Variants in FRS2 observed in about 807,000 individuals in gnomAD.
FRS2 encodes the protein fibroblast growth factor receptor substrate 2, also known as FGFR signalling adaptor.
FRS2 carries 8 observed loss-of-function variants against 43.9 expected under a neutral mutation model. That is an observed-to-expected ratio of 0.18 (90% CI 0.11 to 0.33). The LOEUF (loss-of-function observed/expected upper bound fraction) is 0.33. Among genes scored for constraint, FRS2 ranks in the 10% least tolerant of loss-of-function variants. FRS2 has a pLI of 1.00. For synonymous variants in FRS2, 219 were observed against 220.3 expected, an observed-to-expected ratio of 0.99 and a Z score of 0.05; for missense variants, 534 against 627.6, an observed-to-expected ratio of 0.85 and a Z score of 1.59.
chr12:69,477,650 T>C (rs1357180356), intron 1 of FRS2, among the ~76,000 whole-genome samples: 1 of 151,548 alleles, frequency 6.6e-6, no homozygotes, highest in African/African-American at 2.4e-5. Flanking sequence ...GCTTTTTATA[T>C]CCCTATGACA....
rs550933384 is a variant in FRS2, at chr12:69,475,956, G to T, written c.-261+5426G>T. Among the ~76,000 whole-genome samples, 7 of 152,230 alleles carry T rather than the reference G, an allele frequency of 4.6e-5. No homozygotes were observed. In the South Asian group the frequency reaches 1.5e-3, roughly 32 times the overall value. On this transcript the variant is annotated intron_variant, in intron 1 of 8. Coordinates refer to ENST00000549921, the MANE Select transcript of FRS2 (RefSeq NM_001278356.2). ...TTCTTTTATGAAATAGTGGTGATGGGTAATCGGTAGTTTTTGTTTTTGTTT... is the reference window on the plus strand; with the variant it reads ...TTCTTTTATGAAATAGTGGTGATGGTTAATCGGTAGTTTTTGTTTTTGTTT...
chr12:69,571,844 A>G (rs1880791302), intron 7 of FRS2, among the ~76,000 whole-genome samples: 1 of 152,210 alleles, frequency 6.6e-6, no homozygotes, highest in Non-Finnish European at 1.5e-5. Context: ...AGCCTGGGCG[A>G]CATAGCAAGA....
At chr12:69,488,246 A>G (rs1273889274) in intron 1 of FRS2, among the ~76,000 whole-genome samples, 1 of 152,202 alleles carries the variant, frequency 6.6e-6, no homozygotes, top group East Asian at 1.9e-4. Flanking sequence ...TGTGAAAGGA[A>G]GAGTCATTTG....
At chr12:69,562,592 T>C (rs1879962039) in intron 4 of FRS2, among the ~76,000 whole-genome samples, 1 of 152,250 alleles carries the variant, frequency 6.6e-6, no homozygotes, top group African/African-American at 2.4e-5. Flanking sequence ...AAGACATGTT[T>C]ACTAATTTAA....
chr12:69,538,568 G>T (rs1336598470), intron 3 of FRS2, among the ~76,000 whole-genome samples: 1 of 151,662 alleles, frequency 6.6e-6, no homozygotes, highest in Non-Finnish European at 1.5e-5. Flanking sequence ...AATGTTTAAG[G>T]TAAGGAGTGT....
chr12:69,509,994 A>G (rs955741327), intron 1 of FRS2, among the ~76,000 whole-genome samples: 1 of 152,210 alleles, frequency 6.6e-6, no homozygotes, highest in African/African-American at 2.4e-5. Context: ...CATGTTAGCT[A>G]TAAAATTAAG....
intron 1 of FRS2, among the ~76,000 whole-genome samples, chr12:69,512,423 C>T (rs1171641798): frequency 6.6e-6 from 1 of 152,102 alleles, no homozygotes; most frequent in Non-Finnish European, 1.5e-5. Context: ...GAAAGAAGAC[C>T]TGGATCTTGT....
Position 69,577,693 on chromosome 12 carries a change from T to TA in FRS2, c.*2738_*2739insA, listed in dbSNP as rs1881281443. 1 of 152,604 alleles carries TA rather than the reference T, an allele frequency of 6.6e-6. No individual in the cohort carries two copies. Among genetic ancestry groups the TA allele is most frequent in the African/African-American group, 2.4e-5 (1 of 41,456 alleles). 9.5% of individuals were successfully genotyped at this position (152,604 alleles called of 1,614,324 possible). Reference sequence around the variant, plus strand: ...GTATTACTTGTGTTTTTTCTTAGTGTGTTTTATTTCCCAGTTTCATCTTCT... The same window carrying TA: ...GTATTACTTGTGTTTTTTCTTAGTGTAGTTTTATTTCCCAGTTTCATCTTCT... On this transcript the variant is annotated 3_prime_UTR_variant, in exon 9 of 9. Coordinates refer to ENST00000549921, the MANE Select transcript of FRS2 (RefSeq NM_001278356.2).
intron 4 of FRS2, among the ~76,000 whole-genome samples, chr12:69,565,357 G>A (rs1010504271): frequency 6.6e-6 from 1 of 152,146 alleles, no homozygotes; most frequent in East Asian, 1.9e-4. Context: ...GAATGTTATC[G>A]TACACTACTG....
At chr12:69,549,690 A>G (rs1232180202) in intron 3 of FRS2, among the ~76,000 whole-genome samples, 1 of 152,212 alleles carries the variant, frequency 6.6e-6, no homozygotes, top group Non-Finnish European at 1.5e-5. Flanking sequence ...CTATTATTCC[A>G]TAAGATGGAA....
intron 1 of FRS2, among the ~76,000 whole-genome samples, chr12:69,511,327 C>G (rs930929028): frequency 1.3e-5 from 2 of 152,128 alleles, no homozygotes; most frequent in Non-Finnish European, 2.9e-5. Context: ...AGTTGTTTTC[C>G]TAAAGGGACC....
chr12:69,557,594 T>TTGTGTGTGTGTGTGTGTG lies in FRS2; in HGVS notation c.-121-4577_-121-4560dup, dbSNP rs376896422. Among the ~76,000 whole-genome samples the TTGTGTGTGTGTGTGTGTG allele has an allele frequency of 3.9e-3, 540 of 137,040 alleles. 1 individual carries two copies. The highest frequency in any genetic ancestry group is 9.8e-3 in the African/African-American group (358 of 36,500). 89.9% of individuals were successfully genotyped at this position (137,040 alleles called of 152,430 possible). A position where few individuals can be genotyped will look rare whatever the true frequency, so the allele number is the denominator to read the frequency against. ...TTTCTTTGAGAGTTCTGAAGGTTGA[T>TTGTGTGTGTGTGTGTGTG]TGTGTGTGTGTGTGTGTGTGTGTGT... is the stretch of plus-strand genomic sequence containing the variant. On this transcript the variant is annotated intron_variant, in intron 3 of 8. Coordinates refer to ENST00000549921, the MANE Select transcript of FRS2 (RefSeq NM_001278356.2).
At chr12:69,524,709 C>A (rs1435434160) in intron 1 of FRS2, among the ~76,000 whole-genome samples, 1 of 152,156 alleles carries the variant, frequency 6.6e-6, no homozygotes. Flanking sequence ...GCATCCCTGG[C>A]CGTGTTCCAC....
At chr12:69,523,384 AATT>A (rs1875884819) in intron 1 of FRS2, among the ~76,000 whole-genome samples, 1 of 152,010 alleles carries the variant, frequency 6.6e-6, no homozygotes, top group Non-Finnish European at 1.5e-5. Context: ...TTTTGTCTGA[AATT>A]AGGATTGCAA....
At chr12:69,479,241 C>G (rs1366578494) in intron 1 of FRS2, among the ~76,000 whole-genome samples, 1 of 151,990 alleles carries the variant, frequency 6.6e-6, no homozygotes, top group Non-Finnish European at 1.5e-5. Flanking sequence ...AGTCTCATTC[C>G]TGAAACTGGT....
chr12:69,499,598 T>G (rs1041403777), intron 1 of FRS2, among the ~76,000 whole-genome samples: 9 of 152,082 alleles, frequency 5.9e-5, no homozygotes, highest in African/African-American at 2.2e-4. Flanking sequence ...AGTGTGAAAG[T>G]TTTTAAGAAA....
intron 3 of FRS2, among the ~76,000 whole-genome samples, chr12:69,535,985 C>A (rs1188486357): frequency 1.3e-5 from 2 of 150,464 alleles, no homozygotes; most frequent in East Asian, 1.9e-4. Flanking sequence ...TATGAAAGGG[C>A]CCTCTATCTG....
intron 1 of FRS2, among the ~76,000 whole-genome samples, chr12:69,518,287 A>G (rs1292509087): frequency 6.6e-6 from 1 of 152,224 alleles, no homozygotes; most frequent in African/African-American, 2.4e-5. Flanking sequence ...TTACCTTAGA[A>G]TTTAGTTGTG....
In FRS2 at chr12:69,525,710, A is replaced by AT. The variant is rs879703169; in HGVS notation, c.-260-5143dup. 3.0e-3 allele frequency among the ~76,000 whole-genome samples: 435 copies of AT among 143,458 alleles called. 1 individual carries two copies. The highest frequency in any genetic ancestry group is 9.1e-3 in the African/African-American group (358 of 39,254). The allele number at this position is 143,458 out of a possible 152,430, so 94.1% of individuals were successfully genotyped here. A position where few individuals can be genotyped will look rare whatever the true frequency, so the allele number is the denominator to read the frequency against. ...TGCAATGGAGACTGTGAGGGAGATT[A>AT]TTTTTTTTTTTTAGCACCATAAACT... On this transcript the variant is annotated intron_variant, in intron 1 of 8. Coordinates refer to ENST00000549921, the MANE Select transcript of FRS2 (RefSeq NM_001278356.2).
Sources: gnomAD v4.1 joint callset for allele counts (sites outside exome capture counted in the v4.1 genomes callset) on GRCh38, gnomAD v4.1.1 for gene constraint, MANE v1.5 for transcripts, NCBI Gene and HGNC (gene_info 2026-07-23, HGNC 2026-07-21) for gene names.